Variants in VPS13B observed in about 807,000 individuals in gnomAD.
VPS13B encodes the protein vacuolar protein sorting 13 homolog B.
Under a neutral mutation model 426.4 loss-of-function variants are expected in VPS13B, and 285 were observed. The observed-to-expected ratio is 0.67, with a 90% CI of 0.61 to 0.74. The LOEUF (loss-of-function observed/expected upper bound fraction) is 0.74, where lower values mean the gene tolerates loss of function less well. VPS13B is among the 30% of genes least tolerant of loss of function. The probability of loss-of-function intolerance (pLI) is 0.00; values close to 1 mark genes in which losing one functional copy is unlikely to be tolerated. For synonymous variants in VPS13B, 1,676 were observed against 1,676.4 expected (o/e 1.00, Z 0.01); for missense variants, 4,537 against 4,782.6 (o/e 0.95, Z 1.51).
At position 99,720,903 on chromosome 8, in the gene VPS13B, T is replaced by A; in HGVS notation, c.6906T>A (p.Tyr2302Ter). Residue 2302 changes from tyrosine (Y) to a stop codon, truncating the protein, a stop_gained, in exon 39 of 62, where the codon TAT (tyrosine) becomes TAA (stop). Transcript: ENST00000357162. LOFTEE classifies it high-confidence loss of function. ...KLPGVYEVLF[Y>*]NETEDCPGMM... ...CTGGGGTCTATGAAGTCTTATTTTATAATGAAACTGAAGATTGCCCAGGGA... is the reference window on the plus strand; with the variant it reads ...CTGGGGTCTATGAAGTCTTATTTTAAAATGAAACTGAAGATTGCCCAGGGA... 6.2e-7 allele frequency: 1 copy of A among 1,614,020 alleles called. No individual in the cohort carries two copies. Among genetic ancestry groups the A allele is most frequent in the Non-Finnish European group, 8.5e-7 (1 of 1,179,942 alleles).
At chr8:99,867,966 TCAA>T in intron 58 of VPS13B, 1 of 365,464 alleles carries the variant, frequency 2.7e-6, no homozygotes, top group Non-Finnish European at 5.3e-6. Context: ...CTCCTCTCTC[TCAA>T]CTTTGTTGCC....
chr8:99,143,148 A>T lies in VPS13B; in HGVS notation c.1826A>T (p.Tyr609Phe). The change falls in exon 13 of 62, where the codon TAT (tyrosine) becomes TTT (phenylalanine). Residue 609 changes from tyrosine to phenylalanine, a missense_variant. By Grantham distance (22) the Tyr-to-Phe change is conservative (BLOSUM62 3). This residue lies in a region of VPS13B where 4,311 missense variants were observed against 4,474.3 expected (regional missense o/e 0.96). Coordinates refer to ENST00000357162, the MANE Select transcript of VPS13B (RefSeq NM_152564.5). ...GCCTTGGAACATGAATATGAACCAT[A>T]TAGCAGGCTAAAATCAGGTTTGTTT... is the stretch of plus-strand genomic sequence containing the variant. ...VCALEHEYEPYSRLKSDIKDE... is the reference protein window; with the variant it reads ...VCALEHEYEPFSRLKSDIKDE... 6.2e-7 allele frequency: 1 copy of T among 1,614,020 alleles called. No homozygotes were observed. Among genetic ancestry groups the T allele is most frequent in the Non-Finnish European group, 8.5e-7 (1 of 1,179,938 alleles).
chr8:99,523,791 CA>C (rs1822503412), intron 30 of VPS13B, among the ~76,000 whole-genome samples: 1 of 152,098 alleles, frequency 6.6e-6, no homozygotes, highest in African/African-American at 2.4e-5. Flanking sequence ...GCCCAGACCA[CA>C]AAAGCTACAG....
At chr8:99,823,267 A>G (rs1018385448) in intron 50 of VPS13B, among the ~76,000 whole-genome samples, 1 of 152,212 alleles carries the variant, frequency 6.6e-6, no homozygotes, top group Non-Finnish European at 1.5e-5. Context: ...TAACTCCCCC[A>G]CGTAGGTACT....
chr8:99,599,752 C>A (rs1827196086), intron 33 of VPS13B, among the ~76,000 whole-genome samples: 2 of 152,116 alleles, frequency 1.3e-5, no homozygotes, highest in Non-Finnish European at 2.9e-5. Context: ...GACTTAAAAT[C>A]CTCTCAGATA....
At chr8:99,494,609 T>C (rs903839360) in intron 25 of VPS13B, among the ~76,000 whole-genome samples, 2 of 152,112 alleles carry the variant, frequency 1.3e-5, no homozygotes, top group African/African-American at 4.8e-5. Context: ...TTTAGTTTTA[T>C]ACATATATGA....
chr8:99,483,977 T>C (rs1384572825), intron 25 of VPS13B, among the ~76,000 whole-genome samples: 1 of 152,068 alleles, frequency 6.6e-6, no homozygotes, highest in African/African-American at 2.4e-5. Context: ...AATAAAAACA[T>C]GCCCTACATT....
intron 19 of VPS13B, among the ~76,000 whole-genome samples, chr8:99,372,155 G>A (rs1484366108): frequency 6.6e-6 from 1 of 151,374 alleles, no homozygotes; most frequent in Non-Finnish European, 1.5e-5. Flanking sequence ...GGAGGCTGAG[G>A]CAGGAGAATG....
intron 35 of VPS13B, among the ~76,000 whole-genome samples, chr8:99,675,860 T>C (rs954925448): frequency 1.3e-5 from 2 of 152,142 alleles, no homozygotes; most frequent in African/African-American, 4.8e-5. Flanking sequence ...TGTTGTTGAA[T>C]TGTTTATCTG....
At chr8:99,527,165 G>A (rs991613526) in intron 30 of VPS13B, among the ~76,000 whole-genome samples, 2 of 151,738 alleles carry the variant, frequency 1.3e-5, no homozygotes, top group East Asian at 1.9e-4. Context: ...GTTTGCTCTC[G>A]GTGGATTCTT....
At chr8:99,824,125 A>G (rs1308340434) in intron 51 of VPS13B, 147 bp downstream of exon 51, 4 of 1,011,290 alleles carry the variant, frequency 4.0e-6, no homozygotes, top group Non-Finnish European at 5.8e-6. Flanking sequence ...AATTAAAACC[A>G]TGAATGTCAT....
chr8:99,652,101 C>A (rs1477619423), intron 34 of VPS13B, among the ~76,000 whole-genome samples: 1 of 152,122 alleles, frequency 6.6e-6, no homozygotes, highest in Non-Finnish European at 1.5e-5. Context: ...GATAGGTTAT[C>A]TAATATGGGA....
intron 28 of VPS13B, among the ~76,000 whole-genome samples, chr8:99,507,486 A>G (rs1821562650): frequency 6.6e-6 from 1 of 152,098 alleles, no homozygotes; most frequent in South Asian, 2.1e-4. Flanking sequence ...TATTGTGTTG[A>G]CTTTTTGGAA....
chr8:99,704,972 C>T (rs905530421), intron 36 of VPS13B, among the ~76,000 whole-genome samples: 1 of 152,046 alleles, frequency 6.6e-6, no homozygotes, highest in Non-Finnish European at 1.5e-5. Context: ...GGTAGAGGTG[C>T]GTTTATGGTT....
intron 19 of VPS13B, among the ~76,000 whole-genome samples, chr8:99,345,404 T>C (rs1811483881): frequency 6.6e-6 from 1 of 152,200 alleles, no homozygotes. Context: ...ACAGCCTTTA[T>C]TGCAACTGCT....
chr8:99,486,781 G>A (rs1334884121), intron 25 of VPS13B, among the ~76,000 whole-genome samples: 1 of 152,088 alleles, frequency 6.6e-6, no homozygotes, highest in African/African-American at 2.4e-5. Flanking sequence ...TACTCCCAAG[G>A]ACTGTTTCCA....
chr8:99,339,289 C>T (rs777027236), intron 19 of VPS13B, among the ~76,000 whole-genome samples: 1 of 151,944 alleles, frequency 6.6e-6, no homozygotes, highest in Non-Finnish European at 1.5e-5. Flanking sequence ...TTGATTGGCT[C>T]ACAGTAGGCT....
intron 8 of VPS13B, among the ~76,000 whole-genome samples, chr8:99,127,088 C>G (rs1457802863): frequency 6.7e-6 from 1 of 150,208 alleles, no homozygotes; most frequent in African/African-American, 2.5e-5. Context: ...AGAGCGAGAC[C>G]TTGTCTCAAA....
chr8:99,163,893 G>T (rs1289786742), intron 15 of VPS13B, among the ~76,000 whole-genome samples: 3 of 152,248 alleles, frequency 2.0e-5, no homozygotes, highest in Non-Finnish European at 4.4e-5. Context: ...ACCAAAGTGG[G>T]AGCCCAGGCA....
Sources: gnomAD v4.1 joint callset for allele counts (sites outside exome capture counted in the v4.1 genomes callset) on GRCh38, gnomAD v4.1.1 for gene constraint, gnomAD v4.1.1 regional missense constraint, MANE v1.5 for transcripts, NCBI Gene and HGNC (gene_info 2026-07-23, HGNC 2026-07-21) for gene names.